Variants in UNC5C observed in about 807,000 individuals in gnomAD.
UNC5C encodes the protein unc-5 netrin receptor C.
In UNC5C, 47 loss-of-function variants were observed where a neutral mutation model predicts 99.8. The observed-to-expected ratio is 0.47, with a 90% CI of 0.37 to 0.60. The LOEUF is 0.60. Ranked by LOEUF, UNC5C falls within the 20% of genes least tolerant of loss-of-function variation. The probability of loss-of-function intolerance (pLI) is 0.00; values close to 1 mark genes in which losing one functional copy is unlikely to be tolerated. For synonymous variants in UNC5C, 487 were observed against 452.2 expected, an observed-to-expected ratio of 1.08 and a Z score of -0.98; for missense variants, 1,062 against 1,165.9, an observed-to-expected ratio of 0.91 and a Z score of 1.30.
At chr4:95,465,390 G>T in intron 1 of UNC5C, among the ~76,000 whole-genome samples, 1 of 152,184 alleles carries the variant, frequency 6.6e-6, no homozygotes, top group East Asian at 1.9e-4. Context: ...ATTATCTAAT[G>T]TTGTAAGGGG....
intron 1 of UNC5C, among the ~76,000 whole-genome samples, chr4:95,402,891 T>C (rs1401848355): frequency 1.3e-5 from 2 of 152,232 alleles, no homozygotes; most frequent in South Asian, 4.1e-4. Context: ...TAAGTCTCTT[T>C]GAGACATTTC....
intron 1 of UNC5C, among the ~76,000 whole-genome samples, chr4:95,512,508 G>A (rs1722102434): frequency 6.6e-6 from 1 of 152,206 alleles, no homozygotes; most frequent in African/African-American, 2.4e-5. Flanking sequence ...ATAAAATAAA[G>A]CAATGAGAGG....
chr4:95,197,980 CTT>C (rs1211335596), intron 12 of UNC5C, among the ~76,000 whole-genome samples: 11,740 of 119,726 alleles, frequency 0.098, 724 homozygotes, highest in African/African-American at 0.17. Flanking sequence ...GAGCCTCTCC[CTT>C]TTTTTTTTTT....
At chr4:95,411,682 T>C (rs1745998263) in intron 1 of UNC5C, among the ~76,000 whole-genome samples, 1 of 152,212 alleles carries the variant, frequency 6.6e-6, no homozygotes. Context: ...AATTCATAAA[T>C]TGGATCGCAA....
intron 1 of UNC5C, among the ~76,000 whole-genome samples, chr4:95,498,527 A>T (rs1023305821): frequency 6.6e-6 from 1 of 152,078 alleles, no homozygotes; most frequent in Non-Finnish European, 1.5e-5. Flanking sequence ...AAAAGTAAAA[A>T]GTGTATACAA....
rs980569403 is a variant in UNC5C at position 95,337,485 on chromosome 4, A to G, written c.125-1854T>C. On this transcript the variant is annotated intron_variant, in intron 1 of 15. Transcript: ENST00000453304. ...ATTGATTACTCTGCCTTGCCAAAGC[A>G]TGTATCTCTTTCTTCTGATTATTTT... Among the ~76,000 whole-genome samples the G allele has an allele frequency of 5.3e-5, 8 of 152,094 alleles. No homozygotes were observed. The East Asian group carries it at 1.4e-3, about 26-fold the overall frequency.
chr4:95,478,784 G>C (rs1435926140), intron 1 of UNC5C, among the ~76,000 whole-genome samples: 2 of 151,990 alleles, frequency 1.3e-5, no homozygotes, highest in Non-Finnish European at 2.9e-5. Context: ...ATGAAAATTT[G>C]ATCCCCAGTG....
intron 1 of UNC5C, among the ~76,000 whole-genome samples, chr4:95,404,540 C>A (rs552705470): frequency 6.6e-6 from 1 of 152,110 alleles, no homozygotes; most frequent in Non-Finnish European, 1.5e-5. Flanking sequence ...GGGCCACATA[C>A]GTTCTCTGGG....
At chr4:95,205,553 T>G (rs1458328160) in intron 11 of UNC5C, among the ~76,000 whole-genome samples, 1 of 152,162 alleles carries the variant, frequency 6.6e-6, no homozygotes, top group Admixed American at 6.5e-5. Flanking sequence ...GGAATCTTCA[T>G]GTGTATTTTT....
chr4:95,386,828 G>A (rs1421246592), intron 1 of UNC5C, among the ~76,000 whole-genome samples: 1 of 152,108 alleles, frequency 6.6e-6, no homozygotes, highest in Admixed American at 6.6e-5. Context: ...TTAATTTAAT[G>A]TGTGAAGCTG....
chr4:95,475,105 G>A (rs1013148286), intron 1 of UNC5C, among the ~76,000 whole-genome samples: 1 of 152,070 alleles, frequency 6.6e-6, no homozygotes, highest in African/African-American at 2.4e-5. Flanking sequence ...TGGTCCTAGG[G>A]TTCTACCTCC....
chr4:95,469,667 C>T (rs1267263021), intron 1 of UNC5C, among the ~76,000 whole-genome samples: 1 of 152,088 alleles, frequency 6.6e-6, no homozygotes, highest in African/African-American at 2.4e-5. Context: ...TGGTATATAT[C>T]ATGCAAGTCA....
At chr4:95,360,079 C>T (rs1744341655) in intron 1 of UNC5C, among the ~76,000 whole-genome samples, 1 of 152,040 alleles carries the variant, frequency 6.6e-6, no homozygotes, top group African/African-American at 2.4e-5. Flanking sequence ...GAATAATAAA[C>T]TCTGTGGAGT....
chr4:95,542,342 A>G (rs1722941011), intron 1 of UNC5C, among the ~76,000 whole-genome samples: 1 of 152,156 alleles, frequency 6.6e-6, no homozygotes. Context: ...GGATTTTCAG[A>G]TGTTATACTT....
At chr4:95,509,264 C>G (rs1478850181) in intron 1 of UNC5C, among the ~76,000 whole-genome samples, 1 of 151,638 alleles carries the variant, frequency 6.6e-6, no homozygotes, top group Non-Finnish European at 1.5e-5. Flanking sequence ...TTCAATATAA[C>G]TATTAATGTT....
At chr4:95,381,876 G>A (rs1745081209) in intron 1 of UNC5C, among the ~76,000 whole-genome samples, 1 of 152,158 alleles carries the variant, frequency 6.6e-6, no homozygotes, top group South Asian at 2.1e-4. Context: ...ATAGTGATTG[G>A]TTATTGATCA....
At chr4:95,390,391 C>CA (rs35804362) in intron 1 of UNC5C, among the ~76,000 whole-genome samples, 6,868 of 147,230 alleles carry the variant, frequency 0.047, 451 homozygotes, top group Admixed American at 0.15. Flanking sequence ...TCCACATTTC[C>CA]AAAAAAAAAA....
chr4:95,395,626 A>G (rs1350210438), intron 1 of UNC5C, among the ~76,000 whole-genome samples: 1 of 152,158 alleles, frequency 6.6e-6, no homozygotes, highest in African/African-American at 2.4e-5. Flanking sequence ...CTATATTACT[A>G]ATCGGGGGAG....
intron 10 of UNC5C, 110 bp from the exon 11 acceptor site, chr4:95,206,906 T>C (rs1737899720): frequency 3.2e-6 from 3 of 932,508 alleles, no homozygotes; most frequent in Non-Finnish European, 4.4e-6. Context: ...GGAATTCTTT[T>C]TTTTTTTTTT....
Sources: gnomAD v4.1 joint callset for allele counts (sites outside exome capture counted in the v4.1 genomes callset) on GRCh38, gnomAD v4.1.1 for gene constraint, MANE v1.5 for transcripts, NCBI Gene and HGNC (gene_info 2026-07-23, HGNC 2026-07-21) for gene names.